The following TMOD2 variants were observed in gnomAD, a reference collection of about 807,000 sequenced individuals.
TMOD2 encodes the protein tropomodulin-2.
Under a neutral mutation model 39.9 loss-of-function variants are expected in TMOD2, and 22 were observed. That is an observed-to-expected ratio of 0.55 (90% confidence interval 0.39 to 0.79). The LOEUF (loss-of-function observed/expected upper bound fraction) is 0.79. TMOD2 is among the 30% of genes least tolerant of loss of function. The pLI is 0.00. For synonymous variants in TMOD2, 123 were observed against 146.1 expected (o/e 0.84, Z 1.14); for missense variants, 386 against 413.3 (o/e 0.93, Z 0.57).
Position 51,787,662 on chromosome 15 carries a change from T to C in TMOD2, c.732+4834T>C, listed in dbSNP as rs540605015. 2.9e-4 allele frequency among the ~76,000 whole-genome samples: 44 copies of C among 152,206 alleles called. 1 individual carries two copies. The highest frequency in any genetic ancestry group is 1.1e-3 in the African/African-American group (44 of 41,524). On this transcript the variant is annotated intron_variant, in intron 7 of 9. Coordinates refer to ENST00000249700, the MANE Select transcript of TMOD2 (RefSeq NM_014548.4). Reference sequence around the variant, plus strand: ...TGGGACAAAGCTTCCAGAGGAGGGATCAGACAGCAATATTTGCTCTTCTGC... The same window carrying C: ...TGGGACAAAGCTTCCAGAGGAGGGACCAGACAGCAATATTTGCTCTTCTGC...
chr15:51,773,929 T>C, intron 4 of TMOD2, 95 bp downstream of exon 4: 1 of 1,387,334 alleles, frequency 7.2e-7, no homozygotes, highest in Non-Finnish European at 9.7e-7. Context: ...TTCTCTTAGG[T>C]AGGAGAATGA....
chr15:51,776,295 G>C (rs1476925757), intron 4 of TMOD2, among the ~76,000 whole-genome samples: 1 of 152,228 alleles, frequency 6.6e-6, no homozygotes, highest in East Asian at 1.9e-4. Context: ...AGGGAAATCT[G>C]CGTAGCAGTT....
At chr15:51,752,047 GTGTTCTTCCACTCCGGGCTT>G (rs1271965748) in intron 1 of TMOD2, among the ~76,000 whole-genome samples, 1 of 151,964 alleles carries the variant, frequency 6.6e-6, no homozygotes, top group South Asian at 2.1e-4. Context: ...CTGCGGGGCT[GTGTTCTTCCACTCCGGGCTT>G]TGTTCCCCCA....
chr15:51,768,180 T>C (rs748020210), intron 2 of TMOD2, 82 bp from the exon 3 acceptor site: 4 of 1,514,812 alleles, frequency 2.6e-6, no homozygotes, highest in East Asian at 4.5e-5. Flanking sequence ...CCCCAGCACA[T>C]AGTGAGTGGG....
At chr15:51,796,490 A>G (rs999160325) in intron 7 of TMOD2, among the ~76,000 whole-genome samples, 1 of 152,044 alleles carries the variant, frequency 6.6e-6, no homozygotes, top group African/African-American at 2.4e-5. Flanking sequence ...TCATTCTGGG[A>G]GGGGCACCTT....
intron 9 of TMOD2, among the ~76,000 whole-genome samples, chr15:51,807,580 G>A (rs1214477320): frequency 6.6e-6 from 1 of 152,042 alleles, no homozygotes; most frequent in Admixed American, 6.6e-5. Context: ...AGCACATTGG[G>A]TCCACAACCA....
At position 51,781,049 on chromosome 15, in the gene TMOD2, G is replaced by C; in HGVS notation, c.499G>C (p.Val167Leu). The C allele has an allele frequency of 1.3e-6, 2 of 1,599,758 alleles. No homozygotes were observed. The highest frequency in any genetic ancestry group is 1.7e-6 in the Non-Finnish European group (2 of 1,175,908). ...KGGKGPVRNVVKGEKVKPVFE... is the reference protein window; with the variant it reads ...KGGKGPVRNVLKGEKVKPVFE... ...AATGAAAACTTGTGTTTTAGATGTT[G>C]TCAAAGGTGAAAAAGTAAAGCCAGT... is the stretch of plus-strand genomic sequence containing the variant. Residue 167 changes from valine to leucine, a missense_variant, in exon 6 of 10, where the codon GTC becomes CTC. Transcript: ENST00000249700.
At chr15:51,756,133 A>C (rs1436565650) in intron 1 of TMOD2, among the ~76,000 whole-genome samples, 1 of 152,214 alleles carries the variant, frequency 6.6e-6, no homozygotes, top group Non-Finnish European at 1.5e-5. Context: ...AGGACCCGCC[A>C]TGAGAATTAG....
chr15:51,753,227 C>T (rs183596389), intron 1 of TMOD2, among the ~76,000 whole-genome samples: 3 of 152,292 alleles, frequency 2.0e-5, no homozygotes, highest in South Asian at 4.2e-4. Flanking sequence ...CCAACTGGTC[C>T]AAAACCTTTG....
At chr15:51,791,990 C>T (rs934451788) in intron 7 of TMOD2, among the ~76,000 whole-genome samples, 3 of 152,118 alleles carry the variant, frequency 2.0e-5, no homozygotes, top group Non-Finnish European at 4.4e-5. Flanking sequence ...GGCAACGCAA[C>T]AAAAGCCAAA....
chr15:51,788,690 G>T (rs994041529), intron 7 of TMOD2, among the ~76,000 whole-genome samples: 2 of 152,064 alleles, frequency 1.3e-5, no homozygotes, highest in Non-Finnish European at 2.9e-5. Flanking sequence ...CCAGAAGAGT[G>T]GGGGCCAATA....
chr15:51,785,994 A>G (rs1037955213), intron 7 of TMOD2, among the ~76,000 whole-genome samples: 1 of 152,174 alleles, frequency 6.6e-6, no homozygotes, highest in African/African-American at 2.4e-5. Flanking sequence ...TGGTATAGTC[A>G]TAGTATAGTC....
rs990537159 is a variant in TMOD2 at position 51,815,847 on chromosome 15, A to G, written c.*7393A>G. 3 of 152,352 alleles carry G rather than the reference A, an allele frequency of 2.0e-5. No individual in the cohort carries two copies. In the East Asian group the frequency reaches 5.8e-4, roughly 29 times the overall value. The allele number at this position is 152,352 out of a possible 1,614,324, so 9.4% of individuals were successfully genotyped here. On this transcript the variant is annotated 3_prime_UTR_variant, in exon 10 of 10. Transcript: ENST00000249700. ...CATTTTACCAGTTCAGATGCCTGTAATGTGTGACTTTATGTGTGTCTGTGT... is the reference window on the plus strand; with the variant it reads ...CATTTTACCAGTTCAGATGCCTGTAGTGTGTGACTTTATGTGTGTCTGTGT...
At chr15:51,798,363 C>A (rs756314833) in intron 8 of TMOD2, 23 bp downstream of exon 8, 1 of 1,612,352 alleles carries the variant, frequency 6.2e-7, no homozygotes. Flanking sequence ...AGAGAATAGG[C>A]AAAGTCAACT....
rs769734967 is a variant in TMOD2, at chr15:51,782,823, G to A, written c.727G>A (p.Ala243Thr). 4.1e-5 allele frequency: 66 copies of A among 1,612,704 alleles called. No homozygotes were observed. Among genetic ancestry groups the A allele is most frequent in the Admixed American group, 3.5e-4 (21 of 59,850 alleles). The change falls in exon 7 of 10, where the codon GCC becomes ACC. Residue 243 changes from alanine to threonine, a missense_variant. By Grantham distance (58) the Ala-to-Thr change is moderately conservative. Transcript: ENST00000249700. ...CGCAACTCGCAGCAATGACCCTGTGGCCATTGTGAGTAAAATTCTTAGAAA... is the reference window on the plus strand; with the variant it reads ...CGCAACTCGCAGCAATGACCCTGTGACCATTGTGAGTAAAATTCTTAGAAA... ...LAATRSNDPVAIAFADMLKVN... is the reference protein window; with the variant it reads ...LAATRSNDPVTIAFADMLKVN...
At chr15:51,804,008 G>A (rs1218147508) in intron 8 of TMOD2, among the ~76,000 whole-genome samples, 1 of 152,138 alleles carries the variant, frequency 6.6e-6, no homozygotes, top group Non-Finnish European at 1.5e-5. Context: ...CACTCGTACA[G>A]TTAGCAAGAA....
At chr15:51,808,288 T>C (rs1387451694) in intron 9 of TMOD2, 132 bp from the exon 10 acceptor site, 1 of 618,492 alleles carries the variant, frequency 1.6e-6, no homozygotes, top group African/African-American at 1.9e-5. Context: ...TTGTCATGGT[T>C]AAGTATTAAA....
At chr15:51,777,681 G>T (rs1186552774) in intron 5 of TMOD2, among the ~76,000 whole-genome samples, 1 of 152,124 alleles carries the variant, frequency 6.6e-6, no homozygotes, top group African/African-American at 2.4e-5. Flanking sequence ...AATGGTCCCT[G>T]CCCCACAACC....
At chr15:51,786,955 G>T (rs2055974551) in intron 7 of TMOD2, among the ~76,000 whole-genome samples, 1 of 152,188 alleles carries the variant, frequency 6.6e-6, no homozygotes, top group Admixed American at 6.5e-5. Flanking sequence ...GAGGTATCTG[G>T]TTCATCTCAC....
Sources: gnomAD v4.1 joint callset for allele counts (sites outside exome capture counted in the v4.1 genomes callset) on GRCh38, gnomAD v4.1.1 for gene constraint, MANE v1.5 for transcripts, NCBI Gene and HGNC (gene_info 2026-07-23, HGNC 2026-07-21) for gene names.